KLF10: variants seen among roughly 807,000 people sequenced by gnomAD.
The protein encoded by KLF10 is Krueppel-like factor 10.
A neutral mutation model predicts 31.6 loss-of-function variants in KLF10; 17 were observed. The observed-to-expected ratio is 0.54, with a 90% CI of 0.37 to 0.81. KLF10 has a LOEUF of 0.81. Among genes scored for constraint, KLF10 ranks in the 30% least tolerant of loss-of-function variants. The pLI is 0.00. For missense variants in KLF10, 525 were observed against 598.1 expected (o/e 0.88, Z 1.27); for synonymous variants, 239 against 215.1 (o/e 1.11, Z -0.97).
intron 3 of KLF10, among the ~76,000 whole-genome samples, chr8:102,650,623 G>A (rs1162610066): frequency 6.6e-6 from 1 of 152,154 alleles, no homozygotes; most frequent in Non-Finnish European, 1.5e-5. Flanking sequence ...GTAGGCACCT[G>A]TAGTCCCAAC....
chr8:102,651,125 AAAGATAT>A lies in KLF10; in HGVS notation c.1183+17_1183+23del. 6.7e-7 allele frequency: 1 copy of A among 1,486,206 alleles called. No individual in the cohort carries two copies. The highest frequency in any genetic ancestry group is 9.0e-7 in the Non-Finnish European group (1 of 1,115,496). The allele number at this position is 1,486,206 out of a possible 1,614,324, so 92.1% of individuals were successfully genotyped here. ...GCCAAAATCTCTTCATTTAAACACT[AAAGATAT>A]AAGAAGTGGCTGGTACCTGTGTGCG... On this transcript the variant is annotated intron_variant, in intron 3 of 3. Coordinates refer to ENST00000285407, the MANE Select transcript of KLF10 (RefSeq NM_005655.4).
intron 1 of KLF10, 54 bp downstream of exon 1, chr8:102,655,512 G>GC (rs1235441984): frequency 1.2e-5 from 19 of 1,608,586 alleles, no homozygotes; most frequent in Admixed American, 5.0e-5. Flanking sequence ...GCCCCCTTTG[G>GC]CCCCCCAGAC....
rs1011823295 is a variant in KLF10, at chr8:102,651,627, G to A, written c.705C>T (p.Ser235=). 1 of 1,614,108 alleles carries A rather than the reference G, an allele frequency of 6.2e-7. No individual in the cohort carries two copies. The highest frequency in any genetic ancestry group is 1.3e-5 in the African/African-American group (1 of 74,928). The stretch of plus-strand genomic sequence containing the variant: ...GAGACCTGCAGATGACCGTCTCTGA[G>A]GAAGGCACAGAAAAGTCATAAAGTG... ...SAALYDFSVP[S]SETVICRSQP... is the part of the protein sequence containing the mutation. Residue 235 remains serine (S), a synonymous_variant, in exon 3 of 4, where the codon TCC becomes TCT. Transcript: ENST00000285407.
intron 1 of KLF10, chr8:102,654,098 G>T: frequency 2.9e-6 from 1 of 345,718 alleles, no homozygotes; most frequent in Non-Finnish European, 4.1e-6. Flanking sequence ...GGGCGTGGGC[G>T]AGGAGGGGGC....
intron 1 of KLF10, among the ~76,000 whole-genome samples, chr8:102,654,728 G>A (rs1587836374): frequency 7.3e-6 from 1 of 136,870 alleles, no homozygotes; most frequent in South Asian, 2.3e-4. Context: ...CACAGGCCCC[G>A]GCTCCAGACG....
chr8:102,653,722 T>TA, intron 1 of KLF10: 2 of 1,193,172 alleles, frequency 1.7e-6, no homozygotes. Flanking sequence ...CGCGTGTGTG[T>TA]AACAGCCCCA....
chr8:102,655,561 C>T lies in KLF10; in HGVS notation c.36+5G>A. On this transcript the variant is annotated splice_donor_5th_base_variant and intron_variant, in intron 1 of 3. Coordinates refer to ENST00000285407, the MANE Select transcript of KLF10 (RefSeq NM_005655.4). ...GAAGCACAGGGGCATCCCCAAATGA[C>T]TTACCGCAGTCTGCTGGAGAGAGGC... The T allele has an allele frequency of 1.2e-6, 2 of 1,614,160 alleles. No homozygotes were observed. Among genetic ancestry groups the T allele is most frequent in the Admixed American group, 1.7e-5 (1 of 60,024 alleles).
In KLF10 at chr8:102,650,241, G is replaced by A; in HGVS notation, c.1334C>T (p.Thr445Ile). The A allele has an allele frequency of 6.2e-7, 1 of 1,614,148 alleles. No individual in the cohort carries two copies. The highest frequency in any genetic ancestry group is 8.5e-7 in the Non-Finnish European group (1 of 1,180,018). Residue 445 changes from threonine to isoleucine, a missense_variant, in exon 4 of 4, where the codon ACC (threonine) becomes ATC (isoleucine). Around this residue, in one of 3 missense-constraint regions of KLF10, gnomAD observed 49 missense variants for 105.0 expected, o/e 0.47. Transcript: ENST00000285407. The part of the protein sequence containing the change: ...DRRFMRSDHL[T>I]KHARRHLSAK... ...TGATAGATGGCGCCGGGCATGCTTG[G>A]TCAAATGGTCACTCCTCATGAACCG...
intron 1 of KLF10, among the ~76,000 whole-genome samples, chr8:102,654,817 C>T (rs1465988821): frequency 1.3e-5 from 2 of 152,096 alleles, no homozygotes; most frequent in South Asian, 2.1e-4. Context: ...TCCCACCCTC[C>T]TGCCCCAGAG....
At chr8:102,655,434 T>G in intron 1 of KLF10, 132 bp downstream of exon 1, 1 of 1,178,330 alleles carries the variant, frequency 8.5e-7, no homozygotes, top group Non-Finnish European at 1.3e-6. Context: ...GGAAGCCCTT[T>G]CCTTCCCCAC....
chr8:102,651,482 GGTT>G lies in KLF10; in HGVS notation c.847_849del (p.Asn283del), dbSNP rs1827210387. On this transcript the variant is annotated inframe_deletion, in exon 3 of 4. Transcript: ENST00000285407. ...CTGGGAACGACTGTTGTCACAACAGGGTTGTTGGCAGGAAGGGGAACCATCTGG... is the reference window on the plus strand; with the variant it reads ...CTGGGAACGACTGTTGTCACAACAGGGTTGGCAGGAAGGGGAACCATCTGG... The G allele has an allele frequency of 1.2e-6, 2 of 1,613,888 alleles. No homozygotes were observed. Among genetic ancestry groups the G allele is most frequent in the Admixed American group, 3.3e-5 (2 of 59,994 alleles).
rs1827221179 is a variant in KLF10 at position 102,651,832 on chromosome 8, T to C, written c.500A>G (p.His167Arg). ...RHTADAQLCN[H>R]QTCPMKAASI... is the part of the protein sequence containing the mutation. ...GGCTGCTTTCATTGGGCAGGTCTGG[T>C]GGTTACATAGCTGGGCATCAGCTGT... Residue 167 changes from histidine (H) to arginine (R), a missense_variant, in exon 3 of 4, where the codon CAC (histidine) becomes CGC (arginine). This residue lies in a region of KLF10 where 434 missense variants were observed against 450.7 expected (regional missense o/e 0.96). Coordinates refer to ENST00000285407, the MANE Select transcript of KLF10 (RefSeq NM_005655.4). 1 of 1,614,166 alleles carries C rather than the reference T, an allele frequency of 6.2e-7. No individual in the cohort carries two copies. Among genetic ancestry groups the C allele is most frequent in the South Asian group, 1.1e-5 (1 of 91,088 alleles).
chr8:102,653,789 G>C (rs1827279481), intron 1 of KLF10: 1 of 1,070,830 alleles, frequency 9.3e-7, no homozygotes, highest in Non-Finnish European at 1.1e-6. Context: ...AAGAGAGCGT[G>C]AGCTGGGAAG....
chr8:102,654,644 C>T (rs1043081435), intron 1 of KLF10, among the ~76,000 whole-genome samples: 67 of 152,146 alleles, frequency 4.4e-4, no homozygotes, highest in Middle Eastern at 6.8e-3. Context: ...ACGCGGCGCC[C>T]CCTCCCCGTG....
At chr8:102,653,797 A>T in intron 1 of KLF10, 1 of 1,056,706 alleles carries the variant, frequency 9.5e-7, no homozygotes, top group Non-Finnish European at 1.1e-6. Context: ...GTGAGCTGGG[A>T]AGGACAGGAA....
chr8:102,654,748 C>A (rs1485335608), intron 1 of KLF10, among the ~76,000 whole-genome samples: 1 of 151,782 alleles, frequency 6.6e-6, no homozygotes, highest in Non-Finnish European at 1.5e-5. Flanking sequence ...GCGCGGCCCC[C>A]GCGTCTCGCG....
At position 102,649,760 on chromosome 8, in the gene KLF10, T is replaced by G. The variant is rs1827161676; in HGVS notation, c.*372A>C. The G allele has an allele frequency of 4.5e-6, 1 of 220,238 alleles. No homozygotes were observed. Among genetic ancestry groups the G allele is most frequent in the Admixed American group, 5.1e-5 (1 of 19,518 alleles). 13.6% of individuals were successfully genotyped at this position (220,238 alleles called of 1,614,324 possible). On this transcript the variant is annotated 3_prime_UTR_variant, in exon 4 of 4. Coordinates refer to ENST00000285407, the MANE Select transcript of KLF10 (RefSeq NM_005655.4). ...CCAGCCTCCATATTCTTGAAACCAG[T>G]GCTTTAGAAGAATCACATTGAAAAG...
Position 102,649,993 on chromosome 8 carries a change from G to C in KLF10, c.*139C>G. ...GCCCTTTTAGTCACCTAACCCAGGCGGGGCCTTCGTGCCAGGCTGTGGGGC... is the reference window on the plus strand; with the variant it reads ...GCCCTTTTAGTCACCTAACCCAGGCCGGGCCTTCGTGCCAGGCTGTGGGGC... On this transcript the variant is annotated 3_prime_UTR_variant, in exon 4 of 4. Transcript: ENST00000285407. 1 of 1,125,410 alleles carries C rather than the reference G, an allele frequency of 8.9e-7. No individual in the cohort carries two copies. Among genetic ancestry groups the C allele is most frequent in the Non-Finnish European group, 1.2e-6 (1 of 806,122 alleles). The allele number at this position is 1,125,410 out of a possible 1,614,324, so 69.7% of individuals were successfully genotyped here.
rs184119705 is a variant in KLF10 at position 102,649,079 on chromosome 8, T to A, written c.*1053A>T. The A allele has an allele frequency of 3.9e-5, 6 of 152,600 alleles. No individual in the cohort carries two copies. Among genetic ancestry groups the A allele is most frequent in the Non-Finnish European group, 7.4e-5 (5 of 68,000 alleles). The allele number at this position is 152,600 out of a possible 1,614,324, so 9.5% of individuals were successfully genotyped here. A position where few individuals can be genotyped will look rare whatever the true frequency, so the allele number is the denominator to read the frequency against. On this transcript the variant is annotated 3_prime_UTR_variant, in exon 4 of 4. Transcript: ENST00000285407. ...TAACAAAAGTGAATGTTCTAATAAT[T>A]TTTCTACCCAACTACCTCCACATCC...
Sources: allele counts gnomAD v4.1 joint callset (sites outside exome capture counted in the v4.1 genomes callset), GRCh38; gene constraint gnomAD v4.1.1; regional missense constraint gnomAD v4.1.1; transcripts MANE v1.5; gene names NCBI Gene and HGNC (gene_info 2026-07-23, HGNC 2026-07-21).